Variants in SPATA24 observed in about 807,000 individuals in gnomAD.
SPATA24 encodes spermatogenesis-associated protein 24.
In SPATA24, 21 loss-of-function variants were observed where a neutral mutation model predicts 28.9. That is an observed-to-expected ratio of 0.73 (90% CI 0.52 to 1.05). SPATA24 has a LOEUF of 1.05. SPATA24 is among the 50% of genes least tolerant of loss of function. SPATA24 has a pLI of 0.00. For synonymous variants in SPATA24, 76 were observed against 89.9 expected, an observed-to-expected ratio of 0.85 and a Z score of 0.88; for missense variants, 215 against 242.9, an observed-to-expected ratio of 0.88 and a Z score of 0.76.
At chr5:139,400,699 C>A (rs952543252) in intron 4 of SPATA24, among the ~76,000 whole-genome samples, 2 of 152,126 alleles carry the variant, frequency 1.3e-5, no homozygotes, top group African/African-American at 4.8e-5. Context: ...TCAGAAGGTG[C>A]CCCACAACTT....
At chr5:139,392,882 G>A (rs547634868), downstream of SPATA24, 1 of 1,544,770 alleles carries the variant, frequency 6.5e-7, no homozygotes, top group South Asian at 1.2e-5. This position sits in a 1 kb window ranked among gnomAD's most constrained non-coding sequence, Gnocchi z 5.8. Context: ...CCAGGCAGGC[G>A]GATCTCTGTG....
At chr5:139,394,987 C>T, downstream of SPATA24, 1 of 1,503,332 alleles carries the variant, frequency 6.7e-7, no homozygotes, top group Admixed American at 2.3e-5. Flanking sequence ...GTAGTAGGAG[C>T]CTGACGAACC....
downstream of SPATA24, chr5:139,393,015 C>T (rs978980918): frequency 1.3e-6 from 2 of 1,523,034 alleles, no homozygotes; most frequent in Admixed American, 2.2e-5. Context: ...GCGGCACCAC[C>T]GGTAGAAAAT....
Position 139,398,598 on chromosome 5 carries a change from A to G in SPATA24, c.386-1455T>C, listed in dbSNP as rs995586601. ...TAAATAATAAATAAATAAATAAATG[A>G]TAATTTTTCTGTGTTGGATCAAAAT... On this transcript the variant is annotated intron_variant, in intron 4 of 5. Coordinates refer to ENST00000450845, the MANE Select transcript of SPATA24 (RefSeq NM_194296.2). Among the ~76,000 whole-genome samples, 6 of 152,132 alleles carry G rather than the reference A, an allele frequency of 3.9e-5. No individual in the cohort carries two copies. In the East Asian group the frequency reaches 5.8e-4, roughly 15 times the overall value.
At chr5:139,399,452 A>G (rs1366728749) in intron 4 of SPATA24, among the ~76,000 whole-genome samples, 1 of 152,152 alleles carries the variant, frequency 6.6e-6, no homozygotes, top group Non-Finnish European at 1.5e-5. Flanking sequence ...AAGAGGAGAC[A>G]GGTGAAGGGA....
At chr5:139,395,289 T>A (rs1225253246), downstream of SPATA24, 3 of 432,854 alleles carry the variant, frequency 6.9e-6, no homozygotes, top group Non-Finnish European at 1.2e-5. Flanking sequence ...AACCCCCTTC[T>A]CAGGCACAAG....
chr5:139,395,073 G>T, downstream of SPATA24: 2 of 1,405,224 alleles, frequency 1.4e-6, no homozygotes, highest in African/African-American at 1.5e-5. Flanking sequence ...GGGCGAGCGC[G>T]GTCAGCATGG....
downstream of SPATA24, chr5:139,394,396 CG>C: frequency 7.2e-7 from 1 of 1,391,124 alleles, no homozygotes. Context: ...CAGGAGCAGC[CG>C]GGGGCGCGGC....
At chr5:139,392,733 G>A (rs1482124698), downstream of SPATA24, 3 of 1,411,670 alleles carry the variant, frequency 2.1e-6, no homozygotes, top group South Asian at 1.6e-5. The surrounding 1 kb of genome is among the most constrained non-coding windows in gnomAD (Gnocchi z 5.8). Context: ...GGGATGAGCT[G>A]CGGGCGCCGC....
At chr5:139,401,412 T>C (rs1008049550) in intron 4 of SPATA24, 13 of 597,306 alleles carry the variant, frequency 2.2e-5, no homozygotes, top group Admixed American at 6.0e-5. Context: ...AGGTCCCAAA[T>C]AGGACAGTGC....
downstream of SPATA24, chr5:139,396,485 A>G: frequency 8.4e-7 from 1 of 1,185,132 alleles, no homozygotes; most frequent in African/African-American, 1.6e-5. Flanking sequence ...CTGTCTTTGA[A>G]GTTTCTGGTC....
Position 139,401,910 on chromosome 5 carries a change from C to T in SPATA24, c.314+5G>A, listed in dbSNP as rs1758832312. The T allele has an allele frequency of 6.4e-7, 1 of 1,551,570 alleles. No homozygotes were observed. The highest frequency in any genetic ancestry group is 8.7e-7 in the Non-Finnish European group (1 of 1,146,890). ...ACCCCACACCCCGTACTGAGGCCCA[C>T]TCACGCTTTTTCAAAGGCCAGCTTC... On this transcript the variant is annotated splice_donor_5th_base_variant and intron_variant, in intron 3 of 5. Transcript: ENST00000450845.
At chr5:139,401,333 T>G (rs1318067522) in intron 4 of SPATA24, 2 of 513,462 alleles carry the variant, frequency 3.9e-6, no homozygotes, top group Non-Finnish European at 6.8e-6. Context: ...TTTAAAGATC[T>G]GGCAATCCTA....
downstream of SPATA24, chr5:139,393,323 G>A (rs1561988989): frequency 6.4e-7 from 1 of 1,551,020 alleles, no homozygotes; most frequent in Admixed American, 2.0e-5. Context: ...GGCGGCTCGG[G>A]TGCTGCTACC....
intron 4 of SPATA24, among the ~76,000 whole-genome samples, chr5:139,398,390 C>T (rs1462828597): frequency 2.2e-5 from 3 of 135,864 alleles, no homozygotes; most frequent in African/African-American, 8.5e-5. Context: ...AGTGAGACCT[C>T]GCCTCTACAA....
downstream of SPATA24, chr5:139,395,150 G>A (rs886441310): frequency 5.7e-5 from 76 of 1,344,264 alleles, no homozygotes; most frequent in East Asian, 2.0e-3. Context: ...CACTGTCCCC[G>A]CCCCGCCCGA....
At chr5:139,392,972 T>C, downstream of SPATA24, 1 of 1,504,600 alleles carries the variant, frequency 6.6e-7, no homozygotes, top group Non-Finnish European at 8.9e-7. The surrounding 1 kb of genome is among the most constrained non-coding windows in gnomAD (Gnocchi z 5.8). Flanking sequence ...CGGGCGACCG[T>C]GTCGAAGGAC....
downstream of SPATA24, chr5:139,393,343 T>A: frequency 1.3e-6 from 2 of 1,551,330 alleles, no homozygotes; most frequent in Non-Finnish European, 1.7e-6. Context: ...CTCTGGGGAC[T>A]GCTGACTCCC....
chr5:139,401,447 G>C (rs1026498979), intron 4 of SPATA24: 1 of 612,430 alleles, frequency 1.6e-6, no homozygotes, highest in Non-Finnish European at 2.9e-6. Context: ...TCTTGTATCA[G>C]TTAGGAGTAA....
Sources: gnomAD v4.1 joint callset for allele counts (sites outside exome capture counted in the v4.1 genomes callset) on GRCh38, gnomAD v4.1.1 for gene constraint, Gnocchi (gnomAD v3.1) non-coding constraint, MANE v1.5 for transcripts, NCBI Gene and HGNC (gene_info 2026-07-23, HGNC 2026-07-21) for gene names.